Variants in ANKMY2 observed in about 807,000 individuals in gnomAD.
ANKMY2 encodes the protein ankyrin repeat and MYND domain-containing protein 2.
Under a neutral mutation model 50.4 loss-of-function variants are expected in ANKMY2, and 36 were observed. The observed-to-expected ratio is 0.71, with a 90% confidence interval of 0.55 to 0.94. The LOEUF is 0.94. Among genes scored for constraint, ANKMY2 ranks in the 40% least tolerant of loss-of-function variants. The pLI, the probability that ANKMY2 is intolerant of heterozygous loss-of-function variation, is 0.00. For missense variants in ANKMY2, 565 were observed against 524.0 expected (o/e 1.08, Z -0.76); for synonymous variants, 187 against 178.8 (o/e 1.05, Z -0.36).
At chr7:16,637,849 T>C (rs936512928) in intron 1 of ANKMY2, among the ~76,000 whole-genome samples, 3 of 152,206 alleles carry the variant, frequency 2.0e-5, no homozygotes, top group Admixed American at 6.5e-5. Context: ...AGAGATGTTT[T>C]TGCAAGAAAG....
At chr7:16,611,571 T>C (rs960012052) in intron 5 of ANKMY2, among the ~76,000 whole-genome samples, 4 of 152,060 alleles carry the variant, frequency 2.6e-5, no homozygotes, top group Non-Finnish European at 5.9e-5. Flanking sequence ...AATGTGAGAG[T>C]GGCAGGAGGC....
At chr7:16,611,993 A>G (rs889143681) in intron 5 of ANKMY2, among the ~76,000 whole-genome samples, 3 of 151,844 alleles carry the variant, frequency 2.0e-5, no homozygotes, top group Admixed American at 6.6e-5. Context: ...AATAAATTTT[A>G]CTCCACTCAC....
intron 2 of ANKMY2, among the ~76,000 whole-genome samples, chr7:16,632,814 T>C (rs1235201339): frequency 6.6e-6 from 1 of 152,230 alleles, no homozygotes; most frequent in Non-Finnish European, 1.5e-5. Context: ...TTTAATCATG[T>C]GAGGAACTGC....
Position 16,629,366 on chromosome 7 carries a change from T to C in ANKMY2, c.133-2188A>G, listed in dbSNP as rs180911576. Among the ~76,000 whole-genome samples, 460 of 152,230 alleles carry C rather than the reference T, an allele frequency of 3.0e-3. 1 individual carries two copies. In the Middle Eastern group the frequency reaches 0.048, roughly 16 times the overall value. On this transcript the variant is annotated intron_variant, in intron 2 of 9. Coordinates refer to ENST00000306999, the MANE Select transcript of ANKMY2 (RefSeq NM_020319.3). ...GCCTGGCCAACATGGCAAAACCCTG[T>C]CTCCACTAAAAATACAAAAATTAGC...
At chr7:16,643,120 G>A (rs912503378) in intron 1 of ANKMY2, among the ~76,000 whole-genome samples, 3 of 152,178 alleles carry the variant, frequency 2.0e-5, no homozygotes, top group African/African-American at 7.2e-5. Flanking sequence ...ACAACGTTGT[G>A]AGGTGGGTAT....
intron 6 of ANKMY2, 36 bp downstream of exon 6, chr7:16,610,513 G>T: frequency 6.6e-7 from 1 of 1,506,658 alleles, no homozygotes; most frequent in South Asian, 1.2e-5. Flanking sequence ...ATATTCACTT[G>T]AGTGTATTTT....
chr7:16,610,401 A>T, intron 6 of ANKMY2, 148 bp downstream of exon 6: 1 of 641,644 alleles, frequency 1.6e-6, no homozygotes, highest in Non-Finnish European at 2.7e-6. Context: ...GTATAATATT[A>T]TTCTCTGTTT....
At chr7:16,639,888 G>A (rs1452666135) in intron 1 of ANKMY2, among the ~76,000 whole-genome samples, 1 of 152,084 alleles carries the variant, frequency 6.6e-6, no homozygotes, top group East Asian at 1.9e-4. Flanking sequence ...GGCCAGGCAT[G>A]GTGGCTCACA....
At chr7:16,602,166 C>T (rs780677815) in intron 9 of ANKMY2, among the ~76,000 whole-genome samples, 2 of 152,158 alleles carry the variant, frequency 1.3e-5, no homozygotes, top group Non-Finnish European at 2.9e-5. Context: ...CTACATCCCT[C>T]AGAATTTGAT....
intron 1 of ANKMY2, among the ~76,000 whole-genome samples, chr7:16,637,024 G>A (rs1000562718): frequency 1.3e-5 from 2 of 152,174 alleles, no homozygotes; most frequent in Non-Finnish European, 2.9e-5. Flanking sequence ...TAAACCTTAA[G>A]GTCACTCCTC....
At chr7:16,629,142 G>T (rs760318910) in intron 2 of ANKMY2, among the ~76,000 whole-genome samples, 1 of 152,014 alleles carries the variant, frequency 6.6e-6, no homozygotes, top group Non-Finnish European at 1.5e-5. Flanking sequence ...AAATTTTCCT[G>T]GCTCTTTTCT....
At chr7:16,619,223 G>C (rs1201128952) in intron 4 of ANKMY2, among the ~76,000 whole-genome samples, 7 of 148,400 alleles carry the variant, frequency 4.7e-5, no homozygotes, top group Admixed American at 4.1e-4. Flanking sequence ...GCGCGATCTT[G>C]GCTCACCGCA....
chr7:16,605,213 T>G (rs1361254382), intron 7 of ANKMY2, among the ~76,000 whole-genome samples: 1 of 152,212 alleles, frequency 6.6e-6, no homozygotes, highest in East Asian at 1.9e-4. Context: ...CAGAAAATAT[T>G]CATATTCCAT....
chr7:16,628,992 A>G (rs1047230141), intron 2 of ANKMY2, among the ~76,000 whole-genome samples: 3 of 152,234 alleles, frequency 2.0e-5, no homozygotes, highest in Non-Finnish European at 4.4e-5. Flanking sequence ...GCTTAAGAGC[A>G]AAAGAGATAT....
chr7:16,640,298 T>C (rs1020435413), intron 1 of ANKMY2, among the ~76,000 whole-genome samples: 28 of 152,338 alleles, frequency 1.8e-4, no homozygotes, highest in African/African-American at 5.5e-4. Flanking sequence ...GTGGAGCACA[T>C]ATAAGCCTTT....
Position 16,636,470 on chromosome 7 carries a change from A to G in ANKMY2, c.68-15T>C. On this transcript the variant is annotated splice_polypyrimidine_tract_variant and intron_variant, in intron 1 of 9. Coordinates refer to ENST00000306999, the MANE Select transcript of ANKMY2 (RefSeq NM_020319.3). ...TTGGACAGTACCTAAAAAAAAAAAA[A>G]AGATGAAAAGTAAGGTTATTCGTCA... 1.9e-6 allele frequency: 3 copies of G among 1,562,078 alleles called. No individual in the cohort carries two copies. The highest frequency in any genetic ancestry group is 2.3e-5 in the East Asian group (1 of 44,190).
chr7:16,606,661 A>G (rs1450475474), intron 7 of ANKMY2, among the ~76,000 whole-genome samples: 1 of 152,050 alleles, frequency 6.6e-6, no homozygotes, highest in African/African-American at 2.4e-5. Flanking sequence ...ATTTGTTTTT[A>G]TATTATCTTA....
chr7:16,616,418 G>C (rs1288849538), intron 4 of ANKMY2, among the ~76,000 whole-genome samples: 2 of 151,370 alleles, frequency 1.3e-5, no homozygotes, highest in Non-Finnish European at 1.5e-5. Context: ...GAAATGTAGA[G>C]AAAAGGCTTT....
At chr7:16,618,280 C>A (rs1439992637) in intron 4 of ANKMY2, among the ~76,000 whole-genome samples, 7 of 151,964 alleles carry the variant, frequency 4.6e-5, no homozygotes, top group Admixed American at 6.6e-5. Flanking sequence ...GTAACAGACA[C>A]CCTGTTTCAA....
Sources: gnomAD v4.1 joint callset for allele counts (sites outside exome capture counted in the v4.1 genomes callset) on GRCh38, gnomAD v4.1.1 for gene constraint, MANE v1.5 for transcripts, NCBI Gene and HGNC (gene_info 2026-07-23, HGNC 2026-07-21) for gene names.